The following ASB3 variants were observed in gnomAD, a reference collection of about 807,000 sequenced individuals.
ASB3 encodes ankyrin repeat and SOCS box protein 3.
In ASB3, 41 loss-of-function variants were observed where a neutral mutation model predicts 54.5. The observed-to-expected ratio is 0.75, with a 90% CI of 0.59 to 0.98. The LOEUF (loss-of-function observed/expected upper bound fraction) is 0.98. ASB3 is among the 50% of genes least tolerant of loss of function. The pLI is 0.00. For missense variants in ASB3, 733 were observed against 620.0 expected (o/e 1.18, Z -1.94); for synonymous variants, 266 against 221.2 (o/e 1.20, Z -1.80).
intron 3 of ASB3, among the ~76,000 whole-genome samples, chr2:53,736,171 G>A (rs1326239959): frequency 1.3e-5 from 2 of 152,118 alleles, no homozygotes; most frequent in Non-Finnish European, 2.9e-5. Flanking sequence ...TTTAAAACAT[G>A]AGAAAATTTG....
intron 1 of ASB3, among the ~76,000 whole-genome samples, chr2:53,766,266 T>C (rs1160134220): frequency 1.3e-5 from 2 of 152,218 alleles, no homozygotes; most frequent in Non-Finnish European, 2.9e-5. Context: ...AACAGAGTTC[T>C]TGCCCACATC....
intron 5 of ASB3, among the ~76,000 whole-genome samples, chr2:53,726,194 G>A (rs532821963): frequency 3.7e-4 from 55 of 150,322 alleles, no homozygotes; most frequent in Admixed American, 2.7e-4. Flanking sequence ...AGCTCCAGGC[G>A]ACAAGAAAAC....
intron 2 of ASB3, among the ~76,000 whole-genome samples, chr2:53,753,762 G>A (rs1041267052): frequency 4.4e-4 from 67 of 151,552 alleles, no homozygotes; most frequent in South Asian, 6.2e-4. Flanking sequence ...TCAGCCTCCC[G>A]AGTAGCTGGG....
intron 1 of ASB3, among the ~76,000 whole-genome samples, chr2:53,780,923 C>T (rs1307049695): frequency 1.3e-5 from 2 of 152,172 alleles, no homozygotes; most frequent in Admixed American, 6.5e-5. Flanking sequence ...TTATGTAGCA[C>T]TAACTATATG....
chr2:53,744,025 A>AG (rs1672083369), intron 3 of ASB3, among the ~76,000 whole-genome samples: 1 of 149,804 alleles, frequency 6.7e-6, no homozygotes, highest in African/African-American at 2.5e-5. Flanking sequence ...CCTGGGTGAC[A>AG]GAGTGAGACT....
chr2:53,677,134 C>T (rs1007963894), intron 9 of ASB3, among the ~76,000 whole-genome samples: 4 of 152,196 alleles, frequency 2.6e-5, no homozygotes, highest in African/African-American at 9.7e-5. Context: ...TGTGTTACAA[C>T]TGCCTATAGT....
rs574265692 is a variant in ASB3 at position 53,705,838 on chromosome 2, G to A, written c.981-5310C>T. The stretch of plus-strand genomic sequence containing the variant: ...TAACCTTTAAATTTGTTAAACATTT[G>A]TAAATATTTGTAAATTACAAAAGCT... On this transcript the variant is annotated intron_variant, in intron 7 of 9. Coordinates refer to ENST00000263634, the MANE Select transcript of ASB3 (RefSeq NM_016115.5). Among the ~76,000 whole-genome samples the A allele has an allele frequency of 5.9e-5, 9 of 151,886 alleles. No individual in the cohort carries two copies. In the East Asian group the frequency reaches 1.7e-3, roughly 29 times the overall value.
chr2:53,766,705 T>C (rs1673482402), intron 1 of ASB3, among the ~76,000 whole-genome samples: 1 of 152,184 alleles, frequency 6.6e-6, no homozygotes, highest in African/African-American at 2.4e-5. Flanking sequence ...TTTCTGTGTA[T>C]TCAAAATTTT....
intron 1 of ASB3, among the ~76,000 whole-genome samples, chr2:53,772,472 C>T (rs1261479424): frequency 6.6e-6 from 1 of 152,090 alleles, no homozygotes; most frequent in Non-Finnish European, 1.5e-5. Flanking sequence ...CCGCGCCCAG[C>T]CGTGGGATTT....
intron 3 of ASB3, among the ~76,000 whole-genome samples, chr2:53,734,247 T>C (rs1671489082): frequency 6.6e-6 from 1 of 152,230 alleles, no homozygotes; most frequent in Non-Finnish European, 1.5e-5. Flanking sequence ...AGTTTGTTCC[T>C]CATATTGTCT....
At chr2:53,698,149 C>A (rs146907957) in intron 8 of ASB3, among the ~76,000 whole-genome samples, 612 of 152,262 alleles carry the variant, frequency 4.0e-3, no homozygotes, top group Middle Eastern at 0.017. Flanking sequence ...GGAATCCATG[C>A]CCCCACAGCT....
At chr2:53,779,675 G>A (rs1165995030) in intron 1 of ASB3, among the ~76,000 whole-genome samples, 2 of 152,084 alleles carry the variant, frequency 1.3e-5, no homozygotes, top group African/African-American at 4.8e-5. Context: ...GAGCTCAAGT[G>A]ATCCACCTAC....
At chr2:53,783,057 G>A (rs1484622595) in intron 1 of ASB3, among the ~76,000 whole-genome samples, 1 of 152,010 alleles carries the variant, frequency 6.6e-6, no homozygotes, top group Admixed American at 6.6e-5. Flanking sequence ...ACCGGTGTGA[G>A]CCACTATGCC....
At chr2:53,690,436 TA>T (rs1332676926) in intron 9 of ASB3, among the ~76,000 whole-genome samples, 4 of 152,160 alleles carry the variant, frequency 2.6e-5, no homozygotes, top group Non-Finnish European at 5.9e-5. Flanking sequence ...GAACTGCTTT[TA>T]CTGAATTGTA....
chr2:53,704,028 C>G (rs1457575855), intron 7 of ASB3, among the ~76,000 whole-genome samples: 4 of 152,032 alleles, frequency 2.6e-5, no homozygotes, highest in Non-Finnish European at 5.9e-5. Context: ...ATTCTTATAA[C>G]TGGTAAAAGT....
intron 7 of ASB3, among the ~76,000 whole-genome samples, chr2:53,713,996 G>T (rs1245040914): frequency 6.6e-6 from 1 of 151,978 alleles, no homozygotes; most frequent in African/African-American, 2.4e-5. Context: ...TTAATTTTTA[G>T]GCTTATATCT....
intron 9 of ASB3, among the ~76,000 whole-genome samples, chr2:53,676,718 G>GT (rs1299766041): frequency 2.6e-5 from 4 of 152,072 alleles, no homozygotes; most frequent in African/African-American, 9.7e-5. Flanking sequence ...TCCATTCCTA[G>GT]TAAGTGCCCT....
chr2:53,707,096 A>G (rs1385880597), intron 7 of ASB3, among the ~76,000 whole-genome samples: 4 of 152,206 alleles, frequency 2.6e-5, no homozygotes, highest in Non-Finnish European at 5.9e-5. Flanking sequence ...TCTCTATACC[A>G]CTGCCATGCA....
At chr2:53,689,349 C>G (rs1227152655) in intron 9 of ASB3, among the ~76,000 whole-genome samples, 2 of 152,154 alleles carry the variant, frequency 1.3e-5, no homozygotes, top group Non-Finnish European at 2.9e-5. Context: ...TGTTCCAACT[C>G]TCATCTTTTA....
Sources: allele counts gnomAD v4.1 joint callset (sites outside exome capture counted in the v4.1 genomes callset), GRCh38; gene constraint gnomAD v4.1.1; transcripts MANE v1.5; gene names NCBI Gene and HGNC (gene_info 2026-07-23, HGNC 2026-07-21).